Variants in NR3C1 observed in about 807,000 individuals in gnomAD.
NR3C1 encodes glucocorticoid receptor.
A neutral mutation model predicts 74.0 loss-of-function variants in NR3C1; 14 were observed. The observed-to-expected ratio is 0.19, with a 90% CI of 0.12 to 0.30. NR3C1 has a LOEUF of 0.30. Among genes scored for constraint, NR3C1 ranks in the 10% least tolerant of loss-of-function variants. The pLI is 1.00. For synonymous variants in NR3C1, 308 were observed against 332.5 expected, an observed-to-expected ratio of 0.93 and a Z score of 0.80; for missense variants, 695 against 909.8, an observed-to-expected ratio of 0.76 and a Z score of 3.04.
intron 4 of NR3C1, among the ~76,000 whole-genome samples, chr5:143,304,532 A>G (rs764790994): frequency 6.6e-6 from 1 of 152,106 alleles, no homozygotes; most frequent in Non-Finnish European, 1.5e-5. Flanking sequence ...CTACAATGTC[A>G]TTTTTCACAG....
At chr5:143,411,163 A>G (rs938493295) in intron 1 of NR3C1, among the ~76,000 whole-genome samples, 37 of 152,196 alleles carry the variant, frequency 2.4e-4, no homozygotes, top group Non-Finnish European at 4.4e-5. Context: ...GCATTCAGAA[A>G]TGTTATTTTG....
chr5:143,318,113 G>A (rs374176359), intron 2 of NR3C1, among the ~76,000 whole-genome samples: 4 of 152,088 alleles, frequency 2.6e-5, no homozygotes, highest in African/African-American at 9.6e-5. Context: ...TACATACTTG[G>A]TGATCATCAC....
chr5:143,381,680 G>C (rs1836272770), intron 2 of NR3C1, among the ~76,000 whole-genome samples: 1 of 152,160 alleles, frequency 6.6e-6, no homozygotes, highest in Non-Finnish European at 1.5e-5. Context: ...ATACACTAGG[G>C]AAAGGACAGT....
intron 4 of NR3C1, among the ~76,000 whole-genome samples, chr5:143,308,838 T>C (rs1024954537): frequency 6.6e-6 from 1 of 152,196 alleles, no homozygotes; most frequent in African/African-American, 2.4e-5. Flanking sequence ...ATTTTATACC[T>C]AGTGACTGCC....
intron 7 of NR3C1, among the ~76,000 whole-genome samples, chr5:143,285,177 C>CTT (rs1003455047): frequency 3.9e-5 from 6 of 152,132 alleles, no homozygotes; most frequent in Non-Finnish European, 5.9e-5. Flanking sequence ...TTTGTGCATA[C>CTT]TTAGGGTGAA....
Position 143,393,242 on chromosome 5 carries a change from G to A in NR3C1, c.1184+6414C>T, listed in dbSNP as rs75839648. 0.01 allele frequency among the ~76,000 whole-genome samples: 1,578 copies of A among 152,026 alleles called. 58 individuals are homozygous for A. The East Asian group carries it at 0.11, about 11-fold the overall frequency. ...ATTCACATCTATTTGTCTTACATTC[G>A]ATAATCTATAAAGAAAATGTCAAAG... On this transcript the variant is annotated intron_variant, in intron 2 of 8. Transcript: ENST00000394464.
At chr5:143,427,810 A>G (rs1751611630) in intron 1 of NR3C1, among the ~76,000 whole-genome samples, 1 of 152,158 alleles carries the variant, frequency 6.6e-6, no homozygotes, top group African/African-American at 2.4e-5. Flanking sequence ...ACCACTCACT[A>G]GCATTGTGAT....
intron 2 of NR3C1, among the ~76,000 whole-genome samples, chr5:143,361,418 C>T (rs1439491026): frequency 6.6e-6 from 1 of 152,106 alleles, no homozygotes; most frequent in Non-Finnish European, 1.5e-5. Context: ...AATTAAAATG[C>T]AATATAAGTG....
rs1424372257 is a variant in NR3C1 at position 143,403,205 on chromosome 5, T to C, written c.-14+6A>G. The C allele has an allele frequency of 1.0e-6, 1 of 984,506 alleles. No homozygotes were observed. The highest frequency in any genetic ancestry group is 4.7e-5 in the South Asian group (1 of 21,258). 61.0% of individuals were successfully genotyped at this position (984,506 alleles called of 1,614,324 possible). On this transcript the variant is annotated splice_donor_region_variant and intron_variant, in intron 1 of 8. Transcript: ENST00000394464. ...CGCCCCGGCCCCCTCCCGCCTCGCT[T>C]CTTACCTCTGGCAGAGGAGCCGCTC...
intron 2 of NR3C1, among the ~76,000 whole-genome samples, chr5:143,364,979 T>C (rs1405707543): frequency 1.3e-5 from 2 of 152,134 alleles, no homozygotes; most frequent in Non-Finnish European, 2.9e-5. Context: ...AGTGCTGGGA[T>C]TACAGGCATG....
At chr5:143,288,256 C>CT (rs1356180468) in intron 7 of NR3C1, among the ~76,000 whole-genome samples, 5 of 151,658 alleles carry the variant, frequency 3.3e-5, no homozygotes, top group Non-Finnish European at 7.4e-5. Flanking sequence ...GTAGCTGGGA[C>CT]TACAGGCATG....
chr5:143,295,526 A>G lies in NR3C1; in HGVS notation c.1957T>C (p.Leu653=). ...TCATAAGATACCTGAAGCCTGTGTA[A>G]CTCAGAGGAAACATACAGCATGTGT... ...CKHMLYVSSE[L]HRLQVSYEEY... Residue 653 remains leucine, a synonymous_variant, in exon 7 of 9, where the codon TTA becomes CTA. Coordinates refer to ENST00000394464, the MANE Select transcript of NR3C1 (RefSeq NM_000176.3). 6.2e-7 allele frequency: 1 copy of G among 1,613,372 alleles called. No individual in the cohort carries two copies. The highest frequency in any genetic ancestry group is 1.1e-5 in the South Asian group (1 of 91,072).
chr5:143,292,436 A>C (rs936351793), intron 7 of NR3C1, among the ~76,000 whole-genome samples: 2 of 151,994 alleles, frequency 1.3e-5, no homozygotes, highest in African/African-American at 4.8e-5. Context: ...AGAATCCTCT[A>C]TTTGCCTTTC....
chr5:143,318,734 T>C (rs972546086), intron 2 of NR3C1, among the ~76,000 whole-genome samples: 1 of 152,134 alleles, frequency 6.6e-6, no homozygotes, highest in African/African-American at 2.4e-5. Flanking sequence ...TGAAAAAAAG[T>C]AGGTTAACTC....
chr5:143,336,030 C>T (rs1310549176), intron 2 of NR3C1, among the ~76,000 whole-genome samples: 1 of 152,156 alleles, frequency 6.6e-6, no homozygotes, highest in Non-Finnish European at 1.5e-5. Flanking sequence ...ATAAAATTTG[C>T]CTATTTCTCT....
chr5:143,370,714 T>C (rs910471772), intron 2 of NR3C1, among the ~76,000 whole-genome samples: 3 of 151,816 alleles, frequency 2.0e-5, no homozygotes, highest in African/African-American at 7.2e-5. Flanking sequence ...ACCTACTTAT[T>C]TGAGCAGCTT....
At chr5:143,402,577 G>C (rs1398091294) in intron 1 of NR3C1, 1 of 984,470 alleles carries the variant, frequency 1.0e-6, no homozygotes, top group East Asian at 1.1e-4. Flanking sequence ...AAAAGTGCGA[G>C]GTTAAAAGAG....
chr5:143,364,373 A>G (rs922941910), intron 2 of NR3C1, among the ~76,000 whole-genome samples: 8 of 152,238 alleles, frequency 5.3e-5, no homozygotes, highest in African/African-American at 1.9e-4. Context: ...GCATATCTCC[A>G]ACACATGCTA....
chr5:143,322,446 A>T (rs763522667), intron 2 of NR3C1, among the ~76,000 whole-genome samples: 46 of 151,944 alleles, frequency 3.0e-4, no homozygotes, highest in Non-Finnish European at 1.9e-4. Flanking sequence ...AAAGGTGGCA[A>T]TTTTTTTTCT....
Sources: allele counts gnomAD v4.1 joint callset (sites outside exome capture counted in the v4.1 genomes callset), GRCh38; gene constraint gnomAD v4.1.1; transcripts MANE v1.5; gene names NCBI Gene and HGNC (gene_info 2026-07-23, HGNC 2026-07-21).